ARHGAP30: variants seen among roughly 807,000 people sequenced by gnomAD.
The protein encoded by ARHGAP30 is rho GTPase-activating protein 30.
In ARHGAP30, 23 loss-of-function variants were observed where a neutral mutation model predicts 72.0. That is an observed-to-expected ratio of 0.32 (90% CI 0.23 to 0.45). The LOEUF (loss-of-function observed/expected upper bound fraction) is 0.45, where lower values mean the gene tolerates loss of function less well. ARHGAP30 is among the 20% of genes least tolerant of loss of function. The pLI is 1.00. For missense variants in ARHGAP30, 1,319 were observed against 1,383.4 expected, an observed-to-expected ratio of 0.95 and a Z score of 0.74; for synonymous variants, 576 against 528.2, an observed-to-expected ratio of 1.09 and a Z score of -1.24.
chr1:161,068,332 C>T (rs1652911548), intron 1 of ARHGAP30, among the ~76,000 whole-genome samples: 2 of 152,168 alleles, frequency 1.3e-5, no homozygotes, highest in African/African-American at 2.4e-5. Flanking sequence ...CAAATAAGCT[C>T]GCTTCAGCTG....
chr1:161,067,541 G>T (rs1348624063), intron 1 of ARHGAP30, among the ~76,000 whole-genome samples: 1 of 151,406 alleles, frequency 6.6e-6, no homozygotes, highest in Non-Finnish European at 1.5e-5. Context: ...CTACACTCCA[G>T]CCTGGGACAG....
chr1:161,053,058 G>A (rs144468385), intron 6 of ARHGAP30, 200 bp downstream of exon 6: 37 of 911,386 alleles, frequency 4.1e-5, no homozygotes, highest in Middle Eastern at 3.1e-4. Flanking sequence ...TGACTCAGAG[G>A]TCAAGCCATG....
chr1:161,059,558 A>G lies in ARHGAP30; in HGVS notation c.200+56T>C, dbSNP rs1652166618. The G allele has an allele frequency of 2.7e-6, 4 of 1,472,842 alleles. No homozygotes were observed. In the East Asian group the frequency reaches 9.2e-5, roughly 34 times the overall value. The allele number at this position is 1,472,842 out of a possible 1,614,324, so 91.2% of individuals were successfully genotyped here. ...GCTGTCCTCAGCAACTCTTACTGTG[A>G]CCTTCTGGCTCCCTGGCCTCCTGGT... is the stretch of plus-strand genomic sequence containing the variant. On this transcript the variant is annotated intron_variant, in intron 2 of 11. Transcript: ENST00000368013.
At chr1:161,062,918 G>A (rs986659423) in intron 1 of ARHGAP30, among the ~76,000 whole-genome samples, 6 of 151,654 alleles carry the variant, frequency 4.0e-5, no homozygotes, top group Middle Eastern at 3.2e-3. Context: ...AGGTTCAAGC[G>A]ATTCTCCTGC....
intron 1 of ARHGAP30, among the ~76,000 whole-genome samples, chr1:161,063,160 T>TA (rs1195914235): frequency 6.6e-6 from 1 of 152,214 alleles, no homozygotes; most frequent in Non-Finnish European, 1.5e-5. Flanking sequence ...ATGATTAGTT[T>TA]ATTTTGTATT....
At chr1:161,050,165 A>G (rs1651244269) in intron 10 of ARHGAP30, among the ~76,000 whole-genome samples, 1 of 152,138 alleles carries the variant, frequency 6.6e-6, no homozygotes. Flanking sequence ...TGCTACTTCT[A>G]CCTAAATCAA....
rs1653013600 is a variant in ARHGAP30 at position 161,069,469 on chromosome 1, G to T, written c.97+59C>A. 9.7e-6 allele frequency: 15 copies of T among 1,547,660 alleles called. 1 individual carries two copies. In the South Asian group the frequency reaches 1.6e-4, roughly 16 times the overall value. ...TGCTTCTGCCCTTCAGGCTGGATCG[G>T]GCTGCAGATGCCCAGTGCCTCCCCA... On this transcript the variant is annotated intron_variant, in intron 1 of 11. Coordinates refer to ENST00000368013, the MANE Select transcript of ARHGAP30 (RefSeq NM_001025598.2). The surrounding 1 kb of genome is among the most constrained non-coding windows in gnomAD (Gnocchi z 4.9).
chr1:161,067,250 C>T (rs573460233), intron 1 of ARHGAP30, among the ~76,000 whole-genome samples: 83 of 152,134 alleles, frequency 5.5e-4, no homozygotes, highest in African/African-American at 1.9e-3. Flanking sequence ...GGGAGGAAGG[C>T]CAAAAGCTTA....
intron 1 of ARHGAP30, 38 bp from the exon 2 acceptor site, chr1:161,059,754 G>T: frequency 6.4e-7 from 1 of 1,566,842 alleles, no homozygotes; most frequent in South Asian, 1.1e-5. Flanking sequence ...AGAAATCAGA[G>T]GATCTGGGTG....
Position 161,059,778 on chromosome 1 carries a change from CT to C in ARHGAP30, c.98-63del, listed in dbSNP as rs932299988. The stretch of plus-strand genomic sequence containing the variant: ...AGGATCTGGGTGGTCAAAGACTGCA[CT>C]GGGTCTGAGAAATGGAATTTGGGGA... On this transcript the variant is annotated intron_variant, in intron 1 of 11. Transcript: ENST00000368013. The C allele has an allele frequency of 9.9e-5, 140 of 1,421,094 alleles. 1 individual carries two copies. The African/African-American group carries it at 1.8e-3, about 18-fold the overall frequency. 88.0% of individuals were successfully genotyped at this position (1,421,094 alleles called of 1,614,324 possible).
intron 1 of ARHGAP30, among the ~76,000 whole-genome samples, chr1:161,067,966 C>A (rs893355183): frequency 6.7e-6 from 1 of 149,810 alleles, no homozygotes; most frequent in Non-Finnish European, 1.5e-5. Context: ...CTCCTGCTCT[C>A]GGATTCACCT....
In ARHGAP30 at chr1:161,053,391, G is replaced by A. The variant is rs1461788369; in HGVS notation, c.537-6C>T. The A allele has an allele frequency of 3.1e-6, 5 of 1,611,134 alleles. No homozygotes were observed. In the Admixed American group the frequency reaches 5.0e-5, roughly 16 times the overall value. ...AGGCCTCTATGTCCTTAGACCTGTG[G>A]AGATGTGGAATTATTCTCCCCCTCA... On this transcript the variant is annotated splice_polypyrimidine_tract_variant and splice_region_variant and intron_variant, in intron 5 of 11. Coordinates refer to ENST00000368013, the MANE Select transcript of ARHGAP30 (RefSeq NM_001025598.2).
intron 1 of ARHGAP30, chr1:161,060,153 T>C (rs1481457286): frequency 4.7e-6 from 2 of 426,560 alleles, no homozygotes; most frequent in Non-Finnish European, 9.3e-6. Flanking sequence ...TGGTGGTACA[T>C]GCCTGTAGTT....
Position 161,047,516 on chromosome 1 carries a change from A to G in ARHGAP30, c.*199T>C. On this transcript the variant is annotated 3_prime_UTR_variant, in exon 12 of 12. Transcript: ENST00000368013. ...GACTTTCTTGGGAATCTCCTAAGAG[A>G]TAAGTGCTTTGTGTCGGAGACAAGT... 2.3e-6 allele frequency: 1 copy of G among 444,056 alleles called. No individual in the cohort carries two copies. Among genetic ancestry groups the G allele is most frequent in the East Asian group, 3.6e-5 (1 of 27,872 alleles). 27.5% of individuals were successfully genotyped at this position (444,056 alleles called of 1,614,324 possible). A position where few individuals can be genotyped will look rare whatever the true frequency, so the allele number is the denominator to read the frequency against.
intron 6 of ARHGAP30, 196 bp downstream of exon 6, chr1:161,053,062 A>G (rs1202218633): frequency 1.1e-6 from 1 of 924,544 alleles, no homozygotes; most frequent in Non-Finnish European, 1.6e-6. Context: ...TCAGAGGTCA[A>G]GCCATGCCCT....
rs149223382 is a variant in ARHGAP30, at chr1:161,048,561, G to C, written c.2460C>G (p.Ser820Arg). The C allele has an allele frequency of 1.4e-4, 218 of 1,613,876 alleles. No homozygotes were observed. Among genetic ancestry groups the C allele is most frequent in the Non-Finnish European group, 1.7e-4 (206 of 1,179,998 alleles). ...CTTCAGTTGCTGCTTCTGGGCTTCT[G>C]CTGTCTTCACCATCTCCTTGGTCTT... ...ARKDQGDGED[S>R]RSPEAATEGG... is the part of the protein sequence containing the mutation. Residue 820 changes from serine to arginine, a missense_variant, in exon 12 of 12, where the codon AGC becomes AGG. Coordinates refer to ENST00000368013, the MANE Select transcript of ARHGAP30 (RefSeq NM_001025598.2).
At chr1:161,058,356 G>A (rs1402762756) in intron 2 of ARHGAP30, among the ~76,000 whole-genome samples, 1 of 151,886 alleles carries the variant, frequency 6.6e-6, no homozygotes, top group Non-Finnish European at 1.5e-5. Flanking sequence ...CCAGGGCATG[G>A]TGGCTCATGC....
Position 161,048,254 on chromosome 1 carries a change from G to A in ARHGAP30, c.2767C>T (p.Arg923Cys), listed in dbSNP as rs769860057. 2.5e-6 allele frequency: 4 copies of A among 1,614,156 alleles called. No individual in the cohort carries two copies. Among genetic ancestry groups the A allele is most frequent in the Middle Eastern group, 1.6e-4 (1 of 6,062 alleles). ...CSLGLGGVGMRLASTLVQVQQ... is the reference protein window; with the variant it reads ...CSLGLGGVGMCLASTLVQVQQ... ...ACCTGAACCAGAGTGGAAGCTAGAC[G>A]CATGCCCACGCCACCCAGGCCAAGA... The change falls in exon 12 of 12, where the codon CGT (arginine) becomes TGT (cysteine). Residue 923 changes from arginine to cysteine, a missense_variant. By Grantham distance (180) the Arg-to-Cys change is radical. Around this residue, in one of 2 missense-constraint regions of ARHGAP30, gnomAD observed 1,097 missense variants for 1,045.2 expected, o/e 1.05. Coordinates refer to ENST00000368013, the MANE Select transcript of ARHGAP30 (RefSeq NM_001025598.2).
intron 5 of ARHGAP30, 29 bp downstream of exon 5, chr1:161,054,337 C>A (rs1417120485): frequency 1.9e-6 from 3 of 1,595,206 alleles, no homozygotes; most frequent in South Asian, 2.2e-5. Context: ...CTCACAGGAT[C>A]CCCATACACT....
Sources: allele counts gnomAD v4.1 joint callset (sites outside exome capture counted in the v4.1 genomes callset), GRCh38; gene constraint gnomAD v4.1.1; regional missense constraint gnomAD v4.1.1; non-coding constraint Gnocchi (gnomAD v3.1); transcripts MANE v1.5; gene names NCBI Gene and HGNC (gene_info 2026-07-23, HGNC 2026-07-21).